FBXO34: variants seen among roughly 807,000 people sequenced by gnomAD.
The protein encoded by FBXO34 is F-box only protein 34.
A neutral mutation model predicts 24.5 loss-of-function variants in FBXO34; 12 were observed. That is an observed-to-expected ratio of 0.49 (90% CI 0.31 to 0.79). The LOEUF (loss-of-function observed/expected upper bound fraction) is 0.79. Among genes scored for constraint, FBXO34 ranks in the 30% least tolerant of loss-of-function variants. FBXO34 has a pLI of 0.04. For missense variants in FBXO34, 823 were observed against 857.7 expected (o/e 0.96, Z 0.51); for synonymous variants, 320 against 311.9 (o/e 1.03, Z -0.27).
At chr14:55,421,751 C>G in the FBXO34 span, among the ~76,000 whole-genome samples, 4 of 152,206 alleles carry the variant, frequency 2.6e-5, no homozygotes, top group Non-Finnish European at 4.4e-5. Context: ...GCGTGAGCCA[C>G]CATACCCAGA....
intron 1 of FBXO34, among the ~76,000 whole-genome samples, chr14:55,283,968 G>C (rs975873888): frequency 3.0e-4 from 45 of 147,646 alleles, no homozygotes; most frequent in African/African-American, 1.1e-3. Flanking sequence ...GTGTGTGTGT[G>C]TGTGTGTCTG....
Position 55,350,984 on chromosome 14 carries a change from A to C in FBXO34, c.594A>C (p.Gly198=). ...SVHYVSDSGD[G]VYAGRPLSVI... ...ACTATGTGAGTGACAGTGGGGATGGAGTCTATGCTGGGAGGCCTCTGTCAG... is the reference window on the plus strand; with the variant it reads ...ACTATGTGAGTGACAGTGGGGATGGCGTCTATGCTGGGAGGCCTCTGTCAG... Residue 198 remains glycine (G), a synonymous_variant, in exon 2 of 2, where the codon GGA becomes GGC. Transcript: ENST00000313833. 1 of 1,614,154 alleles carries C rather than the reference A, an allele frequency of 6.2e-7. No individual in the cohort carries two copies. Among genetic ancestry groups the C allele is most frequent in the South Asian group, 1.1e-5 (1 of 91,074 alleles).
At chr14:55,373,136 C>A (rs372801707), downstream of FBXO34, among the ~76,000 whole-genome samples, 4 of 152,296 alleles carry the variant, frequency 2.6e-5, no homozygotes, top group East Asian at 5.8e-4. Context: ...ATAATTCATC[C>A]TATTTTGCTT....
the FBXO34 span, among the ~76,000 whole-genome samples, chr14:55,417,962 T>C: frequency 6.6e-6 from 1 of 152,222 alleles, no homozygotes; most frequent in Non-Finnish European, 1.5e-5. Flanking sequence ...CTTTCAGTTT[T>C]CTTACTTGTA....
At chr14:55,329,298 CTG>C (rs1278222916) in intron 1 of FBXO34, among the ~76,000 whole-genome samples, 19 of 151,848 alleles carry the variant, frequency 1.3e-4, no homozygotes, top group Non-Finnish European at 2.1e-4. Context: ...TTTGAGATGA[CTG>C]AGAAAATTGG....
chr14:55,400,230 T>C, the FBXO34 span, among the ~76,000 whole-genome samples: 126 of 152,252 alleles, frequency 8.3e-4, no homozygotes, highest in Middle Eastern at 0.014. Context: ...ATTCCACAAG[T>C]CTGTGCTTTC....
downstream of FBXO34, chr14:55,355,362 C>T (rs1405233152): frequency 6.6e-6 from 1 of 152,260 alleles, no homozygotes; most frequent in African/African-American, 2.4e-5. Context: ...ACCCTATGCC[C>T]CTGCTTGGCT....
At chr14:55,298,142 C>A (rs1028414646) in intron 1 of FBXO34, among the ~76,000 whole-genome samples, 1 of 152,032 alleles carries the variant, frequency 6.6e-6, no homozygotes, top group Non-Finnish European at 1.5e-5. Context: ...GTCCAACCTG[C>A]AGCTTGTGGT....
At chr14:55,427,865 A>C in the FBXO34 span, among the ~76,000 whole-genome samples, 1 of 150,912 alleles carries the variant, frequency 6.6e-6, no homozygotes, top group Non-Finnish European at 1.5e-5. Flanking sequence ...ATAGGGGACA[A>C]ACTAGTTAGG....
the FBXO34 span, among the ~76,000 whole-genome samples, chr14:55,416,981 A>G: frequency 6.6e-6 from 1 of 152,230 alleles, no homozygotes; most frequent in Non-Finnish European, 1.5e-5. Context: ...TGGACTTCAG[A>G]CCGAAAATCA....
chr14:55,321,918 A>G (rs1246514380), intron 1 of FBXO34, among the ~76,000 whole-genome samples: 1 of 152,228 alleles, frequency 6.6e-6, no homozygotes, highest in Non-Finnish European at 1.5e-5. Flanking sequence ...TTGTTTTTGA[A>G]ATTATACAAT....
chr14:55,393,856 T>G, the FBXO34 span, among the ~76,000 whole-genome samples: 1 of 152,066 alleles, frequency 6.6e-6, no homozygotes, highest in Admixed American at 6.5e-5. Flanking sequence ...AGCGCAGATT[T>G]TATAAGAGTA....
At chr14:55,341,661 A>G (rs1042589367) in intron 1 of FBXO34, among the ~76,000 whole-genome samples, 8 of 152,114 alleles carry the variant, frequency 5.3e-5, no homozygotes, top group African/African-American at 1.9e-4. Context: ...ATTTTTTTGG[A>G]CTTTAACTTT....
chr14:55,285,033 G>GT (rs1020849628), intron 1 of FBXO34, among the ~76,000 whole-genome samples: 6 of 147,844 alleles, frequency 4.1e-5, no homozygotes, highest in African/African-American at 1.5e-4. Flanking sequence ...GCCAGGTGAG[G>GT]TTAAAAAAAA....
chr14:55,284,379 G>A (rs918159867), intron 1 of FBXO34, among the ~76,000 whole-genome samples: 9 of 151,786 alleles, frequency 5.9e-5, no homozygotes, highest in African/African-American at 2.2e-4. Context: ...CGGGCGTGGT[G>A]GTACATGTCT....
rs564209602 is a variant in FBXO34 at position 55,352,944 on chromosome 14, G to C, written c.*418G>C. 2.9e-5 allele frequency: 5 copies of C among 173,866 alleles called. No homozygotes were observed. The highest frequency in any genetic ancestry group is 4.8e-5 in the African/African-American group (2 of 41,562). 10.8% of individuals were successfully genotyped at this position (173,866 alleles called of 1,614,324 possible). ...ATTTGAAATAAGTGAATATTGTCCT[G>C]TGAAAAGAATAGCAGGACTTTTAGA... On this transcript the variant is annotated 3_prime_UTR_variant, in exon 2 of 2. Coordinates refer to ENST00000313833, the MANE Select transcript of FBXO34 (RefSeq NM_017943.4).
At chr14:55,364,600 T>C (rs141882145), downstream of FBXO34, among the ~76,000 whole-genome samples, 2,946 of 152,038 alleles carry the variant, frequency 0.019, 50 homozygotes, top group Middle Eastern at 0.051. Context: ...AATTTTTTTT[T>C]GTATTTTTAG....
In FBXO34 at chr14:55,328,062, G is replaced by A. The variant is rs191747558; in HGVS notation, c.-10-22319G>A. ...GCCTCCGCCTCCCAAGTTCTGCCTCGTGCCTCAGCCTCCCGAGTAGAGTAG... is the reference window on the plus strand; with the variant it reads ...GCCTCCGCCTCCCAAGTTCTGCCTCATGCCTCAGCCTCCCGAGTAGAGTAG... On this transcript the variant is annotated intron_variant, in intron 1 of 1. Transcript: ENST00000313833. Among the ~76,000 whole-genome samples the A allele has an allele frequency of 1.1e-3, 172 of 151,138 alleles. 1 individual carries two copies. Among genetic ancestry groups the A allele is most frequent in the South Asian group, 3.6e-3 (17 of 4,788 alleles).
the FBXO34 span, among the ~76,000 whole-genome samples, chr14:55,389,901 AAAGTGTACAAATAT>A: frequency 6.6e-6 from 1 of 152,228 alleles, no homozygotes; most frequent in Admixed American, 6.5e-5. Context: ...GATAAAGTAT[AAAGTGTACAAATAT>A]GATGTAAGAT....
Sources: allele counts gnomAD v4.1 joint callset (sites outside exome capture counted in the v4.1 genomes callset), GRCh38; gene constraint gnomAD v4.1.1; transcripts MANE v1.5; gene names NCBI Gene and HGNC (gene_info 2026-07-23, HGNC 2026-07-21).